Variants in NDST1 observed in about 807,000 individuals in gnomAD.
The protein encoded by NDST1 is N-deacetylase and N-sulfotransferase 1, also known as bifunctional heparan sulfate N-deacetylase/N-sulfotransferase 1.
A neutral mutation model predicts 92.8 loss-of-function variants in NDST1; 35 were observed. The observed-to-expected ratio is 0.38, with a 90% CI of 0.29 to 0.50. The LOEUF is 0.50. Ranked by LOEUF, NDST1 falls within the 20% of genes least tolerant of loss-of-function variation. The pLI, the probability that NDST1 is intolerant of heterozygous loss-of-function variation, is 0.94. For missense variants in NDST1, 822 were observed against 1,182.7 expected (o/e 0.69, Z 4.47); for synonymous variants, 493 against 500.3 (o/e 0.99, Z 0.19).
intron 13 of NDST1, 88 bp downstream of exon 13, chr5:150,549,875 A>T (rs746887193): frequency 1.9e-4 from 154 of 801,134 alleles, no homozygotes; most frequent in Middle Eastern, 1.1e-3. Flanking sequence ...ATTATGAGAG[A>T]GAGAAGTTAG....
upstream of NDST1, among the ~76,000 whole-genome samples, chr5:150,506,372 G>T (rs1159906860): frequency 1.3e-5 from 2 of 152,142 alleles, no homozygotes; most frequent in African/African-American, 4.8e-5. Context: ...CCTGCCTTGA[G>T]CTCCCAAAGT....
At chr5:150,549,622 G>A in intron 12 of NDST1, 56 bp from the exon 13 acceptor site, 1 of 1,036,354 alleles carries the variant, frequency 9.6e-7, no homozygotes, top group African/African-American at 1.6e-5. Flanking sequence ...CGTGGCTGTT[G>A]CCCTTGTTTG....
At chr5:150,532,582 C>T (rs1754793807) in intron 3 of NDST1, among the ~76,000 whole-genome samples, 1 of 152,112 alleles carries the variant, frequency 6.6e-6, no homozygotes, top group African/African-American at 2.4e-5. Flanking sequence ...ATCTTGGCTC[C>T]AGTGGTGCGA....
intron 3 of NDST1, 22 bp downstream of exon 3, chr5:150,528,320 C>G: frequency 1.9e-6 from 3 of 1,563,602 alleles, no homozygotes; most frequent in Non-Finnish European, 2.6e-6. Context: ...GGTGCTAGAC[C>G]GGGCAAGGCA....
Position 150,528,194 on chromosome 5 carries a change from A to T in NDST1, c.904A>T (p.Thr302Ser), listed in dbSNP as rs762580262. 1 of 1,614,152 alleles carries T rather than the reference A, an allele frequency of 6.2e-7. No individual in the cohort carries two copies. Among genetic ancestry groups the T allele is most frequent in the Admixed American group, 1.7e-5 (1 of 60,026 alleles). The change falls in exon 3 of 15, where the codon ACG becomes TCG. Residue 302 changes from threonine to serine, a missense_variant. Coordinates refer to ENST00000261797, the MANE Select transcript of NDST1 (RefSeq NM_001543.5). ...LVFVDAVAFL[T>S]GKRLSLPLDR... ...CTTCGTGGATGCCGTGGCCTTCCTC[A>T]CGGGGAAGCGCCTCTCCCTGCCATT...
intron 10 of NDST1, 65 bp from the exon 11 acceptor site, chr5:150,545,247 C>G: frequency 6.3e-7 from 1 of 1,580,382 alleles, no homozygotes; most frequent in East Asian, 2.2e-5. Context: ...CGCCCTTGTG[C>G]TGCATTCCCT....
At chr5:150,513,889 A>G (rs970789070) in intron 1 of NDST1, among the ~76,000 whole-genome samples, 6 of 152,232 alleles carry the variant, frequency 3.9e-5, no homozygotes, top group Non-Finnish European at 8.8e-5. Flanking sequence ...ACTCCAGAGC[A>G]GTGGCCACGG....
rs1317225867 is a variant in NDST1 at position 150,555,095 on chromosome 5, T to C, written c.*1763T>C. On this transcript the variant is annotated 3_prime_UTR_variant, in exon 15 of 15. Coordinates refer to ENST00000261797, the MANE Select transcript of NDST1 (RefSeq NM_001543.5). ...AGCCAGCTGGGAGCAGGGCTGAGCG[T>C]TGAACCCGAGGCTCCCGGTTCCAAG... The C allele has an allele frequency of 1.3e-5, 2 of 152,838 alleles. No homozygotes were observed. Among genetic ancestry groups the C allele is most frequent in the East Asian group, 3.9e-4 (2 of 5,150 alleles). 9.5% of individuals were successfully genotyped at this position (152,838 alleles called of 1,614,324 possible). A position where few individuals can be genotyped will look rare whatever the true frequency, so the allele number is the denominator to read the frequency against.
intron 1 of NDST1, among the ~76,000 whole-genome samples, chr5:150,513,136 CAGTA>C (rs1753798240): frequency 6.6e-6 from 1 of 151,876 alleles, no homozygotes; most frequent in Admixed American, 6.6e-5. Context: ...GTTGAGGCTG[CAGTA>C]AGTGTGATTG....
chr5:150,530,096 G>T (rs1026321213), intron 3 of NDST1, among the ~76,000 whole-genome samples: 4 of 152,210 alleles, frequency 2.6e-5, no homozygotes, highest in African/African-American at 9.7e-5. Context: ...GAAGTTTTCA[G>T]GCTATTTCCT....
intron 1 of NDST1, among the ~76,000 whole-genome samples, chr5:150,510,193 G>A (rs1269430310): frequency 6.6e-6 from 1 of 152,242 alleles, no homozygotes; most frequent in Non-Finnish European, 1.5e-5. Flanking sequence ...CTTTCAGGGT[G>A]TTAGGATTGA....
intron 11 of NDST1, among the ~76,000 whole-genome samples, chr5:150,546,963 G>A (rs546798647): frequency 6.6e-6 from 1 of 152,352 alleles, no homozygotes; most frequent in Admixed American, 6.5e-5. Flanking sequence ...CAGGGAATGG[G>A]CAGTCTGCTT....
At chr5:150,515,228 C>T (rs555134934) in intron 1 of NDST1, among the ~76,000 whole-genome samples, 9 of 152,368 alleles carry the variant, frequency 5.9e-5, no homozygotes, top group African/African-American at 2.2e-4. Flanking sequence ...GGCTGGCACT[C>T]TAAGTGCCTC....
chr5:150,539,297 A>C lies in NDST1; in HGVS notation c.1507A>C (p.Ser503Arg), dbSNP rs1294544711. Residue 503 changes from serine to arginine, a missense_variant, in exon 7 of 15, where the codon AGT (serine) becomes CGT (arginine). By Grantham distance (110) the Ser-to-Arg change is moderately radical (BLOSUM62 -1). Transcript: ENST00000261797. ...CTACAACGAGTACCCTGGCGGCTCCAGTGAGCTGGACAAGATCATCAACGG... is the reference window on the plus strand; with the variant it reads ...CTACAACGAGTACCCTGGCGGCTCCCGTGAGCTGGACAAGATCATCAACGG... ...IFYNEYPGGS[S>R]ELDKIINGGE... 4 of 1,613,678 alleles carry C rather than the reference A, an allele frequency of 2.5e-6. No homozygotes were observed. The highest frequency in any genetic ancestry group is 8.5e-7 in the Non-Finnish European group (1 of 1,179,982).
chr5:150,531,657 A>G (rs2545339), intron 3 of NDST1, among the ~76,000 whole-genome samples: 98,813 of 151,468 alleles, frequency 0.65, 32,479 homozygotes, highest in African/African-American at 0.7. Context: ...CTGCCACCAC[A>G]CCTGGCTAAT....
At chr5:150,548,037 G>A (rs916113245) in intron 11 of NDST1, among the ~76,000 whole-genome samples, 181 bp from the exon 12 acceptor site, 3 of 152,078 alleles carry the variant, frequency 2.0e-5, no homozygotes, top group Admixed American at 6.5e-5. Context: ...GAGAAGTTGG[G>A]GCTCTGGGAC....
At chr5:150,506,761 G>A (rs986641813), upstream of NDST1, among the ~76,000 whole-genome samples, 9 of 151,930 alleles carry the variant, frequency 5.9e-5, no homozygotes, top group African/African-American at 1.5e-4. Context: ...ACCCCAAGGC[G>A]TGTTGGTGGC....
intron 11 of NDST1, among the ~76,000 whole-genome samples, chr5:150,546,704 C>T (rs1201254714): frequency 3.9e-5 from 6 of 152,240 alleles, no homozygotes; most frequent in South Asian, 2.1e-4. Flanking sequence ...GGCTGTCTCC[C>T]GCCTGGGACC....
In NDST1 at chr5:150,521,748, G is replaced by A; in HGVS notation, c.494G>A (p.Gly165Asp). ...AAGTACTGTGTGGCCTACGGCGTGG[G>A]CATCATTGGCTTCTTCAAGGTACAC... is the stretch of plus-strand genomic sequence containing the variant. The part of the protein sequence containing the change: ...LDKYCVAYGV[G>D]IIGFFKANEN... The change falls in exon 2 of 15, where the codon GGC becomes GAC. Residue 165 changes from glycine (G) to aspartate (D), a missense_variant. Coordinates refer to ENST00000261797, the MANE Select transcript of NDST1 (RefSeq NM_001543.5). The surrounding 1 kb of genome is among the most constrained non-coding windows in gnomAD (Gnocchi z 5.9). 1 of 1,613,678 alleles carries A rather than the reference G, an allele frequency of 6.2e-7. No homozygotes were observed. Among genetic ancestry groups the A allele is most frequent in the Non-Finnish European group, 8.5e-7 (1 of 1,180,034 alleles).
Sources: gnomAD v4.1 joint callset for allele counts (sites outside exome capture counted in the v4.1 genomes callset) on GRCh38, gnomAD v4.1.1 for gene constraint, Gnocchi (gnomAD v3.1) non-coding constraint, MANE v1.5 for transcripts, NCBI Gene and HGNC (gene_info 2026-07-23, HGNC 2026-07-21) for gene names.